Variants in ZNF254 observed in about 807,000 individuals in gnomAD.
ZNF254 encodes the protein zinc finger protein 254.
ZNF254 carries 10 observed loss-of-function variants against 12.4 expected under a neutral mutation model. The ratio of observed to expected loss-of-function variants is 0.80; its 90% confidence interval spans 0.50 to 1.36. The LOEUF is 1.36. ZNF254 is among the 40% of genes most tolerant of loss of function. The pLI is 0.00. For synonymous variants in ZNF254, 305 were observed against 253.4 expected, an observed-to-expected ratio of 1.20 and a Z score of -1.93; for missense variants, 996 against 763.9, an observed-to-expected ratio of 1.30 and a Z score of -3.58.
intron 2 of ZNF254, chr19:24,066,765 T>G (rs1413185300): frequency 6.6e-6 from 1 of 152,054 alleles, no homozygotes; most frequent in Non-Finnish European, 1.5e-5. Flanking sequence ...CCAGGTGTGG[T>G]GATTGGTGCC....
At chr19:24,061,034 C>G (rs1971046249) in intron 2 of ZNF254, among the ~76,000 whole-genome samples, 1 of 151,984 alleles carries the variant, frequency 6.6e-6, no homozygotes, top group Admixed American at 6.6e-5. Context: ...TGATTCTTCT[C>G]CACTGCTTGG....
chr19:24,111,058 C>T (rs1333906689), intron 3 of ZNF254, among the ~76,000 whole-genome samples: 3 of 151,252 alleles, frequency 2.0e-5, no homozygotes, highest in Non-Finnish European at 2.9e-5. Flanking sequence ...CCCATTAGCT[C>T]GTCATTTACC....
At chr19:24,113,655 A>G (rs1973848410) in intron 3 of ZNF254, among the ~76,000 whole-genome samples, 1 of 152,156 alleles carries the variant, frequency 6.6e-6, no homozygotes, top group African/African-American at 2.4e-5. Context: ...CAACACTCCT[A>G]TTCAACATAG....
chr19:24,128,096 TTTAAAG>T lies in ZNF254; in HGVS notation c.*117_*122del. On this transcript the variant is annotated 3_prime_UTR_variant, in exon 4 of 4. Coordinates refer to ENST00000357002, the MANE Select transcript of ZNF254 (RefSeq NM_203282.4). ...TAATGCTTTTGACAGTACCTAAAACTTTAAAGAAAATCATTCTGCTGAAAAATCCTA... is the reference window on the plus strand; with the variant it reads ...TAATGCTTTTGACAGTACCTAAAACTAAAATCATTCTGCTGAAAAATCCTA... 9.4e-7 allele frequency: 1 copy of T among 1,064,648 alleles called. No homozygotes were observed. The highest frequency in any genetic ancestry group is 1.3e-6 in the Non-Finnish European group (1 of 795,662). The allele number at this position is 1,064,648 out of a possible 1,614,324, so 66.0% of individuals were successfully genotyped here. A position where few individuals can be genotyped will look rare whatever the true frequency, so the allele number is the denominator to read the frequency against.
chr19:24,090,943 ATT>A (rs869068959), intron 1 of ZNF254, among the ~76,000 whole-genome samples: 9 of 89,622 alleles, frequency 1.0e-4, no homozygotes, highest in African/African-American at 3.3e-4. Context: ...TGGAGGAGTG[ATT>A]TTTTTTTTTT....
chr19:24,127,805 A>C lies in ZNF254; in HGVS notation c.1805A>C (p.Tyr602Ser), dbSNP rs150914539. 2.5e-6 allele frequency: 4 copies of C among 1,612,910 alleles called. No individual in the cohort carries two copies. In the African/African-American group the frequency reaches 4.0e-5, roughly 16 times the overall value. Residue 602 changes from tyrosine to serine, a missense_variant, in exon 4 of 4, where the codon TAC (tyrosine) becomes TCC (serine). Physicochemically the swap from Tyr to Ser is moderately radical, Grantham distance 144. Coordinates refer to ENST00000357002, the MANE Select transcript of ZNF254 (RefSeq NM_203282.4). The part of the protein sequence containing the change: ...HKVIHTGVKP[Y>S]KCEECGKAFF... The stretch of plus-strand genomic sequence containing the variant: ...GTAATTCATACTGGAGTAAAACCCT[A>C]CAAATGTGAAGAATGTGGCAAAGCA...
intron 1 of ZNF254, among the ~76,000 whole-genome samples, chr19:24,040,411 T>G (rs904456377): frequency 1.3e-5 from 2 of 152,168 alleles, no homozygotes; most frequent in African/African-American, 4.8e-5. Flanking sequence ...AGCAACCTGT[T>G]TTACACTTCT....
chr19:24,092,423 C>T (rs1972448024), intron 1 of ZNF254, among the ~76,000 whole-genome samples: 1 of 149,420 alleles, frequency 6.7e-6, no homozygotes, highest in African/African-American at 2.5e-5. Context: ...ACCCTCCCCC[C>T]CGGCCTCCCA....
At chr19:24,110,618 G>T (rs960573377) in intron 3 of ZNF254, among the ~76,000 whole-genome samples, 2 of 151,632 alleles carry the variant, frequency 1.3e-5, no homozygotes, top group African/African-American at 2.4e-5. Context: ...ACATCGTTAT[G>T]CAAAAGACTT....
chr19:24,113,492 T>C (rs975092578), intron 3 of ZNF254, among the ~76,000 whole-genome samples: 6 of 152,172 alleles, frequency 3.9e-5, no homozygotes, highest in Non-Finnish European at 5.9e-5. Flanking sequence ...TGACACTTCA[T>C]GCTAAAAACT....
chr19:24,051,558 A>T (rs866773469), intron 2 of ZNF254, among the ~76,000 whole-genome samples: 1 of 152,058 alleles, frequency 6.6e-6, no homozygotes, highest in South Asian at 2.1e-4. Flanking sequence ...ATCTCTGCAC[A>T]AAAAGGGATT....
chr19:24,091,961 G>A (rs1042864134), intron 1 of ZNF254: 10 of 359,990 alleles, frequency 2.8e-5, no homozygotes, highest in African/African-American at 2.0e-4. Flanking sequence ...CTCACTGCAA[G>A]CTCTGTCTCC....
chr19:24,077,634 T>A (rs1032849900), intron 2 of ZNF254, among the ~76,000 whole-genome samples: 1 of 152,204 alleles, frequency 6.6e-6, no homozygotes. Flanking sequence ...TAGTGTAGTG[T>A]GAAGATGGGA....
chr19:24,104,877 G>A (rs913246265), intron 1 of ZNF254: 19 of 152,080 alleles, frequency 1.2e-4, no homozygotes, highest in African/African-American at 4.6e-4. Flanking sequence ...AAACAGGATG[G>A]CATTTATTAC....
chr19:24,105,454 C>T, intron 1 of ZNF254: 1 of 250,924 alleles, frequency 4.0e-6, no homozygotes, highest in Non-Finnish European at 7.5e-6. Context: ...TACTGGTGAG[C>T]TTGGTAGAGA....
chr19:24,054,587 A>G (rs1015464959), intron 2 of ZNF254, among the ~76,000 whole-genome samples: 7 of 152,310 alleles, frequency 4.6e-5, no homozygotes, highest in Admixed American at 1.3e-4. Context: ...CACCTCACCA[A>G]TTATTAGGAT....
chr19:24,094,947 A>T (rs1972589571), intron 1 of ZNF254, among the ~76,000 whole-genome samples: 2 of 152,172 alleles, frequency 1.3e-5, no homozygotes, highest in Admixed American at 1.3e-4. Context: ...TTGGCCTCCC[A>T]AGTTGCTGGA....
intron 2 of ZNF254, among the ~76,000 whole-genome samples, chr19:24,081,700 T>C (rs1971850913): frequency 6.6e-6 from 1 of 152,118 alleles, no homozygotes; most frequent in East Asian, 1.9e-4. Context: ...GACTGGCAAA[T>C]AGACTATACT....
At position 24,127,862 on chromosome 19, in the gene ZNF254, A is replaced by G. The variant is rs1201353232; in HGVS notation, c.1862A>G (p.Lys621Arg). ...FFWSSTLTKH[K>R]RIHTGEQPYK... The stretch of plus-strand genomic sequence containing the variant: ...TGGTCCTCAACCCTAACTAAACATA[A>G]GAGAATTCATACTGGAGAGCAACCC... Residue 621 changes from lysine (K) to arginine (R), a missense_variant, in exon 4 of 4, where the codon AAG (lysine) becomes AGG (arginine). Coordinates refer to ENST00000357002, the MANE Select transcript of ZNF254 (RefSeq NM_203282.4). 1 of 1,613,438 alleles carries G rather than the reference A, an allele frequency of 6.2e-7. No homozygotes were observed. Among genetic ancestry groups the G allele is most frequent in the South Asian group, 1.1e-5 (1 of 91,066 alleles).
Sources: allele counts gnomAD v4.1 joint callset (sites outside exome capture counted in the v4.1 genomes callset), GRCh38; gene constraint gnomAD v4.1.1; transcripts MANE v1.5; gene names NCBI Gene and HGNC (gene_info 2026-07-23, HGNC 2026-07-21).